Variants in SLC44A1 observed in about 807,000 individuals in gnomAD.
SLC44A1 encodes the protein choline transporter-like protein 1.
SLC44A1 carries 26 observed loss-of-function variants against 79.3 expected under a neutral mutation model. That is an observed-to-expected ratio of 0.33 (90% CI 0.24 to 0.46). SLC44A1 has a LOEUF of 0.46. Among genes scored for constraint, SLC44A1 ranks in the 20% least tolerant of loss-of-function variants. SLC44A1 has a pLI of 1.00. For missense variants in SLC44A1, 688 were observed against 798.1 expected (o/e 0.86, Z 1.66); for synonymous variants, 263 against 286.2 (o/e 0.92, Z 0.82).
At chr9:105,305,831 TAA>T (rs1222868749) in intron 2 of SLC44A1, among the ~76,000 whole-genome samples, 4 of 140,862 alleles carry the variant, frequency 2.8e-5, no homozygotes, top group African/African-American at 5.4e-5. Flanking sequence ...GCTTGTGAAA[TAA>T]AAGTGTGTCC....
At position 105,396,864 on chromosome 9, in the gene SLC44A1, T is replaced by C; in HGVS notation, c.*7808T>C. On this transcript the variant is annotated 3_prime_UTR_variant, in exon 16 of 16. Coordinates refer to ENST00000374720, the MANE Select transcript of SLC44A1 (RefSeq NM_080546.5). ...TAGTTTGGAATCATTTACCTTACCA[T>C]TATTTTGGATTTTTTTCTTATTACA... The C allele has an allele frequency of 1.0e-6, 1 of 984,974 alleles. No individual in the cohort carries two copies. The highest frequency in any genetic ancestry group is 4.7e-5 in the South Asian group (1 of 21,272). The allele number at this position is 984,974 out of a possible 1,614,324, so 61.0% of individuals were successfully genotyped here. A position where few individuals can be genotyped will look rare whatever the true frequency, so the allele number is the denominator to read the frequency against.
intron 5 of SLC44A1, among the ~76,000 whole-genome samples, chr9:105,354,039 CTTTTTTTTTTTTT>C (rs556502972): frequency 9.1e-5 from 9 of 98,484 alleles, no homozygotes; most frequent in African/African-American, 4.0e-4. Flanking sequence ...ACAGTTAATC[CTTTTTTTTTTTTT>C]TTTTTTTTTT....
At chr9:105,365,836 A>G (rs1827924548) in intron 11 of SLC44A1, among the ~76,000 whole-genome samples, 197 bp downstream of exon 11, 1 of 152,182 alleles carries the variant, frequency 6.6e-6, no homozygotes, top group African/African-American at 2.4e-5. Context: ...AGTCACTAGT[A>G]ACTAAAAGTA....
chr9:105,316,132 CT>C (rs927943955), intron 3 of SLC44A1, among the ~76,000 whole-genome samples: 68 of 149,250 alleles, frequency 4.6e-4, no homozygotes, highest in Admixed American at 1.7e-3. Flanking sequence ...AATAAACATA[CT>C]TTTTTTTTTA....
At chr9:105,381,252 A>T (rs189209011) in intron 13 of SLC44A1, among the ~76,000 whole-genome samples, 17 of 152,190 alleles carry the variant, frequency 1.1e-4, no homozygotes, top group Middle Eastern at 3.4e-3. Context: ...AGAAAATTGA[A>T]GTAATGACCA....
chr9:105,323,046 C>T (rs9632899), intron 3 of SLC44A1, among the ~76,000 whole-genome samples: 1 of 148,500 alleles, frequency 6.7e-6, no homozygotes, highest in Non-Finnish European at 1.5e-5. Flanking sequence ...AACACCCCGT[C>T]TATTAAAAAA....
At chr9:105,355,969 C>T (rs918910171) in intron 5 of SLC44A1, 8 of 486,538 alleles carry the variant, frequency 1.6e-5, no homozygotes, top group Admixed American at 7.9e-5. Flanking sequence ...TCAGAAGGGG[C>T]GGGTAATGTC....
chr9:105,434,028 A>G (rs1829432946), intron 15 of SLC44A1, among the ~76,000 whole-genome samples: 1 of 152,198 alleles, frequency 6.6e-6, no homozygotes. Flanking sequence ...AATAGAGAGG[A>G]TTGTAATAAA....
rs541835389 is a variant in SLC44A1 at position 105,382,309 on chromosome 9, CAA to C, written c.1633-809_1633-808del. The stretch of plus-strand genomic sequence containing the variant: ...GGAATAAAATGTATTTTAAAAACCA[CAA>C]AAAATTTAAAATGCTGCATGTGAAA... On this transcript the variant is annotated intron_variant, in intron 13 of 15. Transcript: ENST00000374720. 1.8e-3 allele frequency among the ~76,000 whole-genome samples: 269 copies of C among 152,204 alleles called. 3 individuals are homozygous for C. Among genetic ancestry groups the C allele is most frequent in the African/African-American group, 5.8e-3 (241 of 41,514 alleles).
chr9:105,398,149 A>C (rs1828910720), downstream of SLC44A1, among the ~76,000 whole-genome samples: 1 of 152,182 alleles, frequency 6.6e-6, no homozygotes, highest in Non-Finnish European at 1.5e-5. Flanking sequence ...TAGAAAAATC[A>C]AGCTTTTTAA....
intron 15 of SLC44A1, among the ~76,000 whole-genome samples, chr9:105,433,815 G>A (rs761574018): frequency 7.9e-5 from 12 of 151,582 alleles, no homozygotes; most frequent in African/African-American, 1.2e-4. Context: ...ATACAATGAA[G>A]CATTTCAATG....
In SLC44A1 at chr9:105,393,429, G is replaced by A; in HGVS notation, c.*4373G>A. 2.0e-6 allele frequency: 2 copies of A among 985,044 alleles called. No homozygotes were observed. Among genetic ancestry groups the A allele is most frequent in the South Asian group, 9.4e-5 (2 of 21,274 alleles). The allele number at this position is 985,044 out of a possible 1,614,324, so 61.0% of individuals were successfully genotyped here. A position where few individuals can be genotyped will look rare whatever the true frequency, so the allele number is the denominator to read the frequency against. ...AAAATTACACGTCGTGTACAGTTAT[G>A]AATTTAGAATAGCACACTTTTTCCA... On this transcript the variant is annotated 3_prime_UTR_variant, in exon 16 of 16. Coordinates refer to ENST00000374720, the MANE Select transcript of SLC44A1 (RefSeq NM_080546.5).
rs1828657445 is a variant in SLC44A1 at position 105,387,181 on chromosome 9, G to C, written c.1950+1679G>C. ...CAAACTAATCGCATATTCAACCTAA[G>C]TTAAAGCCTCAATAAAATATTTAGA... On this transcript the variant is annotated intron_variant, in intron 15 of 15. Transcript: ENST00000374720. Among the ~76,000 whole-genome samples the C allele has an allele frequency of 2.0e-5, 3 of 150,298 alleles. No homozygotes were observed. In the East Asian group the frequency reaches 5.8e-4, roughly 29 times the overall value.
chr9:105,286,126 A>G (rs1460261225), intron 1 of SLC44A1, among the ~76,000 whole-genome samples: 1 of 152,172 alleles, frequency 6.6e-6, no homozygotes, highest in Non-Finnish European at 1.5e-5. Flanking sequence ...TTTTAGATAA[A>G]TTAAGCTGTA....
At chr9:105,292,638 T>G (rs2131274715) in intron 1 of SLC44A1, among the ~76,000 whole-genome samples, 1 of 152,344 alleles carries the variant, frequency 6.6e-6, no homozygotes, top group Middle Eastern at 3.4e-3. Context: ...TGCCTCAGAA[T>G]ATAAGCTGCA....
Position 105,257,522 on chromosome 9 carries a change from G to T in SLC44A1, c.36+12618G>T, listed in dbSNP as rs545133206. 3.9e-5 allele frequency among the ~76,000 whole-genome samples: 6 copies of T among 152,310 alleles called. No homozygotes were observed. In the East Asian group the frequency reaches 1.2e-3, roughly 29 times the overall value. On this transcript the variant is annotated intron_variant, in intron 1 of 15. Transcript: ENST00000374720. ...TGGGATTACAGGCATGAGCTACCGT[G>T]CCTGGCTCCCAGATTGTAAACTGTG...
chr9:105,293,497 C>G (rs1219186128), intron 1 of SLC44A1, among the ~76,000 whole-genome samples: 3 of 152,184 alleles, frequency 2.0e-5, no homozygotes, highest in Non-Finnish European at 2.9e-5. Context: ...TGTATGTAAT[C>G]TGGATCGTTG....
Position 105,299,266 on chromosome 9 carries a change from A to G in SLC44A1, c.83A>G (p.Asp28Gly). The G allele has an allele frequency of 1.3e-6, 2 of 1,597,814 alleles. No homozygotes were observed. Among genetic ancestry groups the G allele is most frequent in the Non-Finnish European group, 1.7e-6 (2 of 1,174,836 alleles). The change falls in exon 2 of 16, where the codon GAC becomes GGC. Residue 28 changes from aspartate to glycine, a missense_variant. Transcript: ENST00000374720. Reference protein sequence around the residue: ...WKPLEDRSCTDIPWLLLFILF... With the variant: ...WKPLEDRSCTGIPWLLLFILF... ...CCGCTGGAGGACCGTAGCTGCACAG[A>G]CATACCATGGCTGCTGCTCTTCATC...
intron 15 of SLC44A1, among the ~76,000 whole-genome samples, chr9:105,387,060 A>AAAAAAAAAAAAAATATAT (rs34780893): frequency 1.3e-4 from 1 of 7,730 alleles, no homozygotes; most frequent in African/African-American, 4.1e-4. Context: ...AAAAAAAAAA[A>AAAAAAAAAAAAAATATAT]ATATATATAT....
Sources: allele counts gnomAD v4.1 joint callset (sites outside exome capture counted in the v4.1 genomes callset), GRCh38; gene constraint gnomAD v4.1.1; transcripts MANE v1.5; gene names NCBI Gene and HGNC (gene_info 2026-07-23, HGNC 2026-07-21).